Variants in NCAPH observed in about 807,000 individuals in gnomAD.
The protein encoded by NCAPH is non-SMC condensin I complex subunit H, also known as condensin complex subunit 2.
Under a neutral mutation model 85.5 loss-of-function variants are expected in NCAPH, and 38 were observed. The ratio of observed to expected loss-of-function variants is 0.44; its 90% CI spans 0.34 to 0.58. The LOEUF (loss-of-function observed/expected upper bound fraction) is 0.58, where lower values mean the gene tolerates loss of function less well. NCAPH is among the 20% of genes least tolerant of loss of function. The pLI, the probability that NCAPH is intolerant of heterozygous loss-of-function variation, is 0.01. For synonymous variants in NCAPH, 301 were observed against 335.1 expected (o/e 0.90, Z 1.11); for missense variants, 789 against 916.6 (o/e 0.86, Z 1.80).
Position 96,341,583 on chromosome 2 carries a change from C to T in NCAPH, c.20-59C>T, listed in dbSNP as rs558461081. On this transcript the variant is annotated intron_variant, in intron 1 of 17. Transcript: ENST00000240423. ...CTCCACCCCTGTGACAGGCTCAAGA[C>T]TTCTTTGGATATAGGAAATGTTCTC... The T allele has an allele frequency of 6.4e-6, 10 of 1,566,682 alleles. No homozygotes were observed. The South Asian group carries it at 1.2e-4, about 19-fold the overall frequency.
chr2:96,350,525 A>T (rs1281209054), intron 6 of NCAPH, among the ~76,000 whole-genome samples: 1 of 151,940 alleles, frequency 6.6e-6, no homozygotes, highest in African/African-American at 2.4e-5. Flanking sequence ...TTAGGATGGG[A>T]ATTGGGAGAG....
chr2:96,366,900 A>T (rs1049578408), intron 14 of NCAPH, among the ~76,000 whole-genome samples: 6 of 150,282 alleles, frequency 4.0e-5, no homozygotes, highest in Non-Finnish European at 8.9e-5. Context: ...AAAAAAAAAA[A>T]GAGTTTGAGA....
chr2:96,345,417 G>C (rs1232971375), intron 6 of NCAPH, among the ~76,000 whole-genome samples: 1 of 152,218 alleles, frequency 6.6e-6, no homozygotes, highest in East Asian at 1.9e-4. Flanking sequence ...GGTTCTGTGA[G>C]TGTGAAAATC....
At chr2:96,342,224 ACAAT>A in intron 3 of NCAPH, 84 bp downstream of exon 3, 1 of 1,201,736 alleles carries the variant, frequency 8.3e-7, no homozygotes, top group Non-Finnish European at 1.2e-6. Context: ...TAGATAATGC[ACAAT>A]CAATGATGAT....
chr2:96,365,219 A>T (rs1204622243), intron 13 of NCAPH, among the ~76,000 whole-genome samples: 1 of 152,198 alleles, frequency 6.6e-6, no homozygotes, highest in Non-Finnish European at 1.5e-5. Flanking sequence ...GTATGTGGAA[A>T]GGGGGGAACG....
chr2:96,342,238 T>C, intron 3 of NCAPH, 98 bp downstream of exon 3: 1 of 1,140,264 alleles, frequency 8.8e-7, no homozygotes, highest in Non-Finnish European at 1.3e-6. Context: ...TCAATGATGA[T>C]AATTCTCTGG....
rs2064804776 is a variant in NCAPH at position 96,373,921 on chromosome 2, T to A, written c.*570T>A. On this transcript the variant is annotated 3_prime_UTR_variant, in exon 18 of 18. Transcript: ENST00000240423. ...ATGCAGTCCTGGTTGTTATCCAGGA[T>A]ACACACCTGTCAGTATAAGGCAGAA... is the stretch of plus-strand genomic sequence containing the variant. 6.6e-6 allele frequency: 1 copy of A among 152,452 alleles called. No individual in the cohort carries two copies. 9.4% of individuals were successfully genotyped at this position (152,452 alleles called of 1,614,324 possible).
chr2:96,366,053 C>A lies in NCAPH; in HGVS notation c.1876C>A (p.Gln626Lys). ...GGAGTCAAACTTGGTAGCTGAGCCT[C>A]AGAAGGTACGGATGAAACAGCTGAG... ...YGESNLVAEP[Q>K]KVNKIEIHYA... Residue 626 changes from glutamine to lysine, a missense_variant, in exon 14 of 18, where the codon CAG (glutamine) becomes AAG (lysine). By Grantham distance (53) the Gln-to-Lys change is moderately conservative. Coordinates refer to ENST00000240423, the MANE Select transcript of NCAPH (RefSeq NM_015341.5). 1 of 1,614,124 alleles carries A rather than the reference C, an allele frequency of 6.2e-7. No individual in the cohort carries two copies. The highest frequency in any genetic ancestry group is 1.7e-5 in the Admixed American group (1 of 60,034).
intron 7 of NCAPH, 133 bp downstream of exon 7, chr2:96,352,153 A>C (rs898811521): frequency 4.4e-6 from 4 of 902,774 alleles, no homozygotes; most frequent in Non-Finnish European, 6.7e-6. Flanking sequence ...TGGAATGCCA[A>C]ATTGTGTATC....
intron 15 of NCAPH, among the ~76,000 whole-genome samples, chr2:96,367,943 A>G (rs978409577): frequency 6.6e-6 from 1 of 152,238 alleles, no homozygotes; most frequent in Non-Finnish European, 1.5e-5. Context: ...GAAATGTTTA[A>G]ACCTTTTGAT....
intron 17 of NCAPH, among the ~76,000 whole-genome samples, chr2:96,371,178 T>C (rs1175723564): frequency 1.3e-5 from 2 of 152,216 alleles, no homozygotes; most frequent in African/African-American, 4.8e-5. Flanking sequence ...CATCCATCTC[T>C]CTGACTTGAG....
At chr2:96,361,806 G>GTATA (rs1220395616) in intron 12 of NCAPH, among the ~76,000 whole-genome samples, 138 of 76,740 alleles carry the variant, frequency 1.8e-3, no homozygotes, top group African/African-American at 4.0e-3. Context: ...ATATATATGT[G>GTATA]TATATATATA....
In NCAPH at chr2:96,343,315, AG is replaced by A; in HGVS notation, c.595+14del. 1 of 1,610,474 alleles carries A rather than the reference AG, an allele frequency of 6.2e-7. No individual in the cohort carries two copies. On this transcript the variant is annotated intron_variant, in intron 5 of 17. Coordinates refer to ENST00000240423, the MANE Select transcript of NCAPH (RefSeq NM_015341.5). Reference sequence around the variant, plus strand: ...AAGGCCATGTTGCTGGTAGGTGGGTAGGGATCTGGATTTAAGTGGCTCTTTT... The same window carrying A: ...AAGGCCATGTTGCTGGTAGGTGGGTAGGATCTGGATTTAAGTGGCTCTTTT...
intron 17 of NCAPH, among the ~76,000 whole-genome samples, chr2:96,371,243 T>C (rs1300835481): frequency 6.6e-6 from 1 of 151,996 alleles, no homozygotes; most frequent in African/African-American, 2.4e-5. Flanking sequence ...TGGAAATAGG[T>C]GCTGGTGACT....
intron 7 of NCAPH, 85 bp downstream of exon 7, chr2:96,352,105 A>G (rs945216122): frequency 7.6e-6 from 10 of 1,317,672 alleles, no homozygotes; most frequent in Admixed American, 4.3e-5. Flanking sequence ...TAAGCCCATC[A>G]TGCTCTTATG....
At chr2:96,337,785 T>C (rs949219068) in intron 1 of NCAPH, among the ~76,000 whole-genome samples, 17 of 152,236 alleles carry the variant, frequency 1.1e-4, no homozygotes, top group African/African-American at 3.1e-4. Flanking sequence ...TGACAGGTGC[T>C]GTCCTAGCTC....
At chr2:96,339,301 G>T (rs1205263356) in intron 1 of NCAPH, among the ~76,000 whole-genome samples, 1 of 151,990 alleles carries the variant, frequency 6.6e-6, no homozygotes, top group Non-Finnish European at 1.5e-5. Context: ...TTTTACAGTA[G>T]AAGTCTTTGG....
At chr2:96,355,645 G>GTTTTTTTT (rs1235513133) in intron 9 of NCAPH, among the ~76,000 whole-genome samples, 4 of 136,936 alleles carry the variant, frequency 2.9e-5, no homozygotes, top group East Asian at 4.2e-4. Context: ...ATGTTTTTTT[G>GTTTTTTTT]TTTTTTTTTT....
chr2:96,354,314 A>G lies in NCAPH; in HGVS notation c.1134A>G (p.Glu378=), dbSNP rs771064804. 2.5e-6 allele frequency: 4 copies of G among 1,613,750 alleles called. No individual in the cohort carries two copies. Among genetic ancestry groups the G allele is most frequent in the Admixed American group, 1.7e-5 (1 of 59,974 alleles). Residue 378 remains glutamate (E), a synonymous_variant, in exon 9 of 18, where the codon GAA becomes GAG. Coordinates refer to ENST00000240423, the MANE Select transcript of NCAPH (RefSeq NM_015341.5). ...SLGDDFDAND[E]PDHTAVGDHE... ...GGGATGACTTTGATGCCAACGATGA[A>G]CCTGACCACACCGCAGTTGGGGATC...
Sources: allele counts gnomAD v4.1 joint callset (sites outside exome capture counted in the v4.1 genomes callset), GRCh38; gene constraint gnomAD v4.1.1; transcripts MANE v1.5; gene names NCBI Gene and HGNC (gene_info 2026-07-23, HGNC 2026-07-21).